The following KIAA0513 variants were observed in gnomAD, a reference collection of about 807,000 sequenced individuals.
The protein encoded by KIAA0513 is uncharacterized protein KIAA0513.
Under a neutral mutation model 56.5 loss-of-function variants are expected in KIAA0513, and 39 were observed. The observed-to-expected ratio is 0.69, with a 90% confidence interval of 0.53 to 0.90. The LOEUF (loss-of-function observed/expected upper bound fraction) is 0.90. Ranked by LOEUF, KIAA0513 falls within the 40% of genes least tolerant of loss-of-function variation. The pLI, the probability that KIAA0513 is intolerant of heterozygous loss-of-function variation, is 0.00. For missense variants in KIAA0513, 591 were observed against 535.2 expected (o/e 1.10, Z -1.03); for synonymous variants, 268 against 215.6 (o/e 1.24, Z -2.13).
In KIAA0513 at chr16:85,039,419, C is replaced by G. The variant is rs534808715; in HGVS notation, c.-173+11561C>G. On this transcript the variant is annotated intron_variant, in intron 1 of 12. Coordinates refer to ENST00000683363, the MANE Select transcript of KIAA0513 (RefSeq NM_001388359.1). The stretch of plus-strand genomic sequence containing the variant: ...CTGGGATGAAGTGATCCTCCTGCAT[C>G]AACCTCCTGAGTAACTGGGACCATA... 1.8e-3 allele frequency among the ~76,000 whole-genome samples: 280 copies of G among 152,314 alleles called. 2 individuals are homozygous for G. The highest frequency in any genetic ancestry group is 6.4e-3 in the African/African-American group (265 of 41,570).
intron 10 of KIAA0513, among the ~76,000 whole-genome samples, chr16:85,082,992 C>T (rs1449066556): frequency 6.6e-6 from 1 of 152,258 alleles, no homozygotes; most frequent in African/African-American, 2.4e-5. Context: ...AAGCCTCACC[C>T]TTGGCCTTAC....
At position 85,047,105 on chromosome 16, in the gene KIAA0513, T is replaced by C. The variant is rs145223146; in HGVS notation, c.-173+19247T>C. 2.6e-3 allele frequency among the ~76,000 whole-genome samples: 402 copies of C among 152,336 alleles called. 4 individuals carry two copies. Among genetic ancestry groups the C allele is most frequent in the African/African-American group, 8.5e-3 (353 of 41,588 alleles). ...TGGTTGTGGCAGGCACTCCACCAGC[T>C]TGGGTTCAGGTTCTCAGTCCCTACC... is the stretch of plus-strand genomic sequence containing the variant. On this transcript the variant is annotated intron_variant, in intron 1 of 12. Transcript: ENST00000683363.
At chr16:85,073,350 C>A (rs1468977045) in intron 4 of KIAA0513, among the ~76,000 whole-genome samples, 1 of 152,242 alleles carries the variant, frequency 6.6e-6, no homozygotes, top group Non-Finnish European at 1.5e-5. Context: ...GTACTTCAAA[C>A]TCAACCACCC....
rs1304799322 is a variant in KIAA0513 at position 85,090,561 on chromosome 16, A to G, written c.*2236A>G. ...AAATGGTCTTGACACTTTTTTCTCC[A>G]CATAGACTCTTGAAATAGCCATTTC... On this transcript the variant is annotated 3_prime_UTR_variant, in exon 13 of 13. Coordinates refer to ENST00000683363, the MANE Select transcript of KIAA0513 (RefSeq NM_001388359.1). 1 of 152,172 alleles carries G rather than the reference A, an allele frequency of 6.6e-6. No homozygotes were observed. The allele number at this position is 152,172 out of a possible 1,614,324, so 9.4% of individuals were successfully genotyped here.
At chr16:85,071,028 T>C (rs770338058) in intron 2 of KIAA0513, among the ~76,000 whole-genome samples, 1 of 152,256 alleles carries the variant, frequency 6.6e-6, no homozygotes, top group Non-Finnish European at 1.5e-5. Context: ...AAAACATAAA[T>C]GAAGATTGCA....
chr16:85,060,196 G>T (rs953311478), intron 1 of KIAA0513, among the ~76,000 whole-genome samples: 5 of 152,132 alleles, frequency 3.3e-5, no homozygotes, highest in African/African-American at 9.7e-5. Flanking sequence ...CCTGACCTCA[G>T]GTGATCCTCC....
chr16:85,054,774 G>T (rs1056483269), intron 1 of KIAA0513, among the ~76,000 whole-genome samples: 15 of 151,790 alleles, frequency 9.9e-5, no homozygotes, highest in African/African-American at 3.4e-4. Flanking sequence ...CCAGCAGTGT[G>T]CCCTTCCCAG....
intron 8 of KIAA0513, among the ~76,000 whole-genome samples, chr16:85,080,337 C>G (rs1364495719): frequency 6.6e-6 from 1 of 152,222 alleles, no homozygotes; most frequent in Non-Finnish European, 1.5e-5. Flanking sequence ...CAGATGGTCT[C>G]TGCTGCAGCC....
At chr16:85,062,234 A>AC (rs1452472309) in intron 1 of KIAA0513, among the ~76,000 whole-genome samples, 1 of 149,380 alleles carries the variant, frequency 6.7e-6, no homozygotes, top group African/African-American at 2.5e-5. Flanking sequence ...ACACACACAC[A>AC]CCCCATAAGG....
rs558611104 is a variant in KIAA0513, at chr16:85,038,709, A to G, written c.-173+10851A>G. ...GGCGACAGAGCCAGACTCAGCCTCA[A>G]AAAAAAAAAAAAAATAATAATAATA... On this transcript the variant is annotated intron_variant, in intron 1 of 12. Transcript: ENST00000683363. Among the ~76,000 whole-genome samples the G allele has an allele frequency of 7.2e-5, 10 of 138,894 alleles. No homozygotes were observed. The South Asian group carries it at 2.4e-3, about 33-fold the overall frequency. The allele number at this position is 138,894 out of a possible 152,430, so 91.1% of individuals were successfully genotyped here.
intron 1 of KIAA0513, among the ~76,000 whole-genome samples, chr16:85,055,225 C>G (rs1031575752): frequency 6.6e-6 from 1 of 151,930 alleles, no homozygotes; most frequent in African/African-American, 2.4e-5. Context: ...CCCCCAGCCT[C>G]TTTTTGTGGT....
intron 10 of KIAA0513, among the ~76,000 whole-genome samples, chr16:85,083,346 T>C (rs2073770829): frequency 6.6e-6 from 1 of 152,224 alleles, no homozygotes; most frequent in Non-Finnish European, 1.5e-5. Context: ...TGTTGGAGGA[T>C]TCATGAAGTT....
At chr16:85,074,398 G>A (rs377755177) in intron 4 of KIAA0513, among the ~76,000 whole-genome samples, 1 of 151,588 alleles carries the variant, frequency 6.6e-6, no homozygotes, top group East Asian at 1.9e-4. Flanking sequence ...CATCAGGCTG[G>A]TCTCAAACTC....
chr16:85,042,676 A>G (rs945592785), intron 1 of KIAA0513, among the ~76,000 whole-genome samples: 4 of 152,232 alleles, frequency 2.6e-5, no homozygotes, highest in African/African-American at 9.6e-5. Context: ...AGTTGTAGTT[A>G]TTATATCATT....
chr16:85,043,808 G>C (rs978479064), intron 1 of KIAA0513, among the ~76,000 whole-genome samples: 1 of 152,168 alleles, frequency 6.6e-6, no homozygotes, highest in African/African-American at 2.4e-5. Context: ...CGAAGCGGGC[G>C]GATCACCTGA....
intron 8 of KIAA0513, chr16:85,079,272 C>A: frequency 1.8e-6 from 1 of 558,532 alleles, no homozygotes. Flanking sequence ...AAGAGTTACT[C>A]TGTGACCCAG....
At position 85,077,414 on chromosome 16, in the gene KIAA0513, T is replaced by A. The variant is rs373636285; in HGVS notation, c.575-11T>A. On this transcript the variant is annotated splice_polypyrimidine_tract_variant and intron_variant, in intron 5 of 12. Coordinates refer to ENST00000683363, the MANE Select transcript of KIAA0513 (RefSeq NM_001388359.1). ...CTCACTGGCCTCGTCTTGTTCCCTC[T>A]CTCATCCAAGGAAAACCACAGCTGC... 6.2e-6 allele frequency: 10 copies of A among 1,613,262 alleles called. No individual in the cohort carries two copies. The African/African-American group carries it at 1.3e-4, about 22-fold the overall frequency.
At chr16:85,037,722 T>C (rs1273959146) in intron 1 of KIAA0513, among the ~76,000 whole-genome samples, 2 of 152,206 alleles carry the variant, frequency 1.3e-5, no homozygotes, top group East Asian at 1.9e-4. Context: ...AAAAACACTT[T>C]ATGAGTCTGC....
At chr16:85,051,659 AT>A (rs2073253833) in intron 1 of KIAA0513, among the ~76,000 whole-genome samples, 1 of 152,008 alleles carries the variant, frequency 6.6e-6, no homozygotes, top group African/African-American at 2.4e-5. Flanking sequence ...AAAGACCACC[AT>A]CTTGTCTCCC....
Sources: allele counts gnomAD v4.1 joint callset (sites outside exome capture counted in the v4.1 genomes callset), GRCh38; gene constraint gnomAD v4.1.1; transcripts MANE v1.5; gene names NCBI Gene and HGNC (gene_info 2026-07-23, HGNC 2026-07-21).